The following MYLK2 variants were observed in gnomAD, a reference collection of about 807,000 sequenced individuals.
The protein encoded by MYLK2 is myosin light chain kinase 2.
In MYLK2, 27 loss-of-function variants were observed where a neutral mutation model predicts 58.2. The observed-to-expected ratio is 0.46, with a 90% CI of 0.34 to 0.64. The LOEUF (loss-of-function observed/expected upper bound fraction) is 0.64. MYLK2 is among the 30% of genes least tolerant of loss of function. The probability of loss-of-function intolerance (pLI) is 0.01; values close to 1 mark genes in which losing one functional copy is unlikely to be tolerated. For synonymous variants in MYLK2, 310 were observed against 296.7 expected (o/e 1.04, Z -0.46); for missense variants, 676 against 764.3 (o/e 0.88, Z 1.36).
intron 8 of MYLK2, chr20:31,827,528 C>T (rs1672764281): frequency 1.0e-6 from 1 of 984,688 alleles, no homozygotes; most frequent in African/African-American, 1.8e-5. Flanking sequence ...TATCCTTCTT[C>T]TTTTTTTTGA....
chr20:31,833,589 T>G, intron 12 of MYLK2, 128 bp from the exon 13 acceptor site: 1 of 839,598 alleles, frequency 1.2e-6, no homozygotes, highest in Non-Finnish European at 2.0e-6. Flanking sequence ...CCGTGGCCAT[T>G]TTGGGCACTG....
chr20:31,819,627 C>A lies in MYLK2; in HGVS notation c.47C>A (p.Ser16Ter), dbSNP rs1465763203. The change falls in exon 2 of 13, where the codon TCA becomes TAA. Residue 16 changes from serine (S) to a stop codon, truncating the protein, a stop_gained. Transcript: ENST00000375985. LOFTEE classifies it high-confidence loss of function. ...GAVELGIQNP[S>*]TDKAPKGPTG... is the part of the protein sequence containing the mutation. Reference sequence around the variant, plus strand: ...GTTGAGCTGGGAATTCAGAACCCATCAACAGGTGCCAAGCTGGGGCAGGAG... The same window carrying A: ...GTTGAGCTGGGAATTCAGAACCCATAAACAGGTGCCAAGCTGGGGCAGGAG... 1 of 1,551,584 alleles carries A rather than the reference C, an allele frequency of 6.4e-7. No homozygotes were observed. The highest frequency in any genetic ancestry group is 1.2e-5 in the South Asian group (1 of 84,058).
Position 31,831,609 on chromosome 20 carries a change from G to A in MYLK2, c.1425-94G>A, listed in dbSNP as rs552880633. On this transcript the variant is annotated intron_variant, in intron 10 of 12. Transcript: ENST00000375985. The stretch of plus-strand genomic sequence containing the variant: ...GGGGGTCTTTTCAGCACACGGTGCT[G>A]CCTCCTAGGATCTGCCCCTGTTCCC... 14 of 1,433,826 alleles carry A rather than the reference G, an allele frequency of 9.8e-6. No individual in the cohort carries two copies. The East Asian group carries it at 3.0e-4, about 30-fold the overall frequency. The allele number at this position is 1,433,826 out of a possible 1,614,324, so 88.8% of individuals were successfully genotyped here. A position where few individuals can be genotyped will look rare whatever the true frequency, so the allele number is the denominator to read the frequency against.
At chr20:31,819,703 T>C in intron 2 of MYLK2, 71 bp downstream of exon 2, 1 of 1,517,508 alleles carries the variant, frequency 6.6e-7, no homozygotes, top group Non-Finnish European at 9.0e-7. Context: ...ACTGGGCAGG[T>C]TCCTCAGTGG....
chr20:31,820,798 C>T (rs2062249073), intron 3 of MYLK2, among the ~76,000 whole-genome samples: 1 of 152,226 alleles, frequency 6.6e-6, no homozygotes, highest in African/African-American at 2.4e-5. Flanking sequence ...AACATATCTT[C>T]TCTAGGCTTC....
intron 4 of MYLK2, among the ~76,000 whole-genome samples, chr20:31,822,302 C>A (rs908959220): frequency 1.3e-5 from 2 of 152,166 alleles, no homozygotes; most frequent in African/African-American, 4.8e-5. Flanking sequence ...ACTCCCTGGG[C>A]AATGGAATTT....
Position 31,828,671 on chromosome 20 carries a change from A to G in MYLK2, c.1224+1733A>G, listed in dbSNP as rs2062291564. 14 of 985,468 alleles carry G rather than the reference A, an allele frequency of 1.4e-5. No homozygotes were observed. In the South Asian group the frequency reaches 5.6e-4, roughly 40 times the overall value. The allele number at this position is 985,468 out of a possible 1,614,324, so 61.0% of individuals were successfully genotyped here. ...TGAAATTGAAGTCAGCACGGGTCTG[A>G]AGCAGGCAGGGAGATGCTGTTGCCG... On this transcript the variant is annotated intron_variant, in intron 8 of 12. Coordinates refer to ENST00000375985, the MANE Select transcript of MYLK2 (RefSeq NM_033118.4).
At chr20:31,820,819 A>G (rs1443860884) in intron 3 of MYLK2, among the ~76,000 whole-genome samples, 1 of 152,206 alleles carries the variant, frequency 6.6e-6, no homozygotes, top group African/African-American at 2.4e-5. Flanking sequence ...TGGGGTCCGA[A>G]GTTCCCCTTA....
At chr20:31,829,300 C>T (rs2062294230) in intron 8 of MYLK2, among the ~76,000 whole-genome samples, 1 of 152,134 alleles carries the variant, frequency 6.6e-6, no homozygotes, top group South Asian at 2.1e-4. Context: ...GTTGAGTGCA[C>T]CCCAGCCCAC....
Position 31,832,229 on chromosome 20 carries a change from G to A in MYLK2, c.1710+93G>A. On this transcript the variant is annotated intron_variant, in intron 12 of 12. Coordinates refer to ENST00000375985, the MANE Select transcript of MYLK2 (RefSeq NM_033118.4). ...GCCTCCACCGTCCCTGCCTTGGCAG[G>A]TTCTGTTGACCAGGCTGGGCCCTGT... 7 of 1,527,256 alleles carry A rather than the reference G, an allele frequency of 4.6e-6. No homozygotes were observed. In the South Asian group the frequency reaches 7.2e-5, roughly 16 times the overall value. 94.6% of individuals were successfully genotyped at this position (1,527,256 alleles called of 1,614,324 possible). A position where few individuals can be genotyped will look rare whatever the true frequency, so the allele number is the denominator to read the frequency against.
At chr20:31,824,497 G>A (rs2062269048) in intron 6 of MYLK2, 145 bp downstream of exon 6, 2 of 1,509,582 alleles carry the variant, frequency 1.3e-6, no homozygotes, top group Non-Finnish European at 1.8e-6. Flanking sequence ...CAGATAGAGA[G>A]ATGGATGGAC....
At chr20:31,822,616 G>A (rs2062256900) in intron 4 of MYLK2, among the ~76,000 whole-genome samples, 1 of 152,122 alleles carries the variant, frequency 6.6e-6, no homozygotes. Context: ...TGGGGGTGGG[G>A]TGAGATGGGG....
intron 8 of MYLK2, 192 bp downstream of exon 8, chr20:31,827,130 A>AG: frequency 1.0e-6 from 1 of 979,966 alleles, no homozygotes; most frequent in South Asian, 4.7e-5. Context: ...GCAAAGAGAG[A>AG]GAGGGGGGGA....
intron 12 of MYLK2, among the ~76,000 whole-genome samples, chr20:31,833,116 C>T (rs2062314823): frequency 6.6e-6 from 1 of 151,954 alleles, no homozygotes; most frequent in Non-Finnish European, 1.5e-5. Context: ...GCAATCCTCC[C>T]GCCTTGGCCT....
Position 31,819,530 on chromosome 20 carries a change from C to T in MYLK2, c.-48-3C>T. 1 of 1,550,040 alleles carries T rather than the reference C, an allele frequency of 6.5e-7. No individual in the cohort carries two copies. The highest frequency in any genetic ancestry group is 8.7e-7 in the Non-Finnish European group (1 of 1,145,844). On this transcript the variant is annotated splice_region_variant and splice_polypyrimidine_tract_variant and intron_variant, in intron 1 of 12. Transcript: ENST00000375985. ...CTGACACACTCCACTCTTGTTTCTG[C>T]AGCTAGAAAGACTTGAGTTAGACAA...
chr20:31,833,660 C>A, intron 12 of MYLK2, 57 bp from the exon 13 acceptor site: 2 of 1,492,462 alleles, frequency 1.3e-6, no homozygotes, highest in South Asian at 1.1e-5. Flanking sequence ...CTCAGACACC[C>A]TGCAGCTGCC....
At chr20:31,826,053 G>A (rs961742691) in intron 6 of MYLK2, among the ~76,000 whole-genome samples, 5 of 152,092 alleles carry the variant, frequency 3.3e-5, no homozygotes, top group Non-Finnish European at 5.9e-5. Flanking sequence ...AGGATGGCTC[G>A]TAACTTTTTG....
rs1353345078 is a variant in MYLK2, at chr20:31,834,435, T to A, written c.*638T>A. 6.5e-6 allele frequency: 1 copy of A among 153,304 alleles called. No homozygotes were observed. Among genetic ancestry groups the A allele is most frequent in the African/African-American group, 2.4e-5 (1 of 41,214 alleles). 9.5% of individuals were successfully genotyped at this position (153,304 alleles called of 1,614,324 possible). A position where few individuals can be genotyped will look rare whatever the true frequency, so the allele number is the denominator to read the frequency against. ...TGCGACCACCAACACACAGGAACTC[T>A]GTGTGAGAGAGAGGGCGCCCAGCCC... On this transcript the variant is annotated 3_prime_UTR_variant, in exon 13 of 13. Transcript: ENST00000375985.
intron 8 of MYLK2, among the ~76,000 whole-genome samples, chr20:31,829,816 C>T (rs1361635923): frequency 6.6e-6 from 1 of 152,202 alleles, no homozygotes; most frequent in Non-Finnish European, 1.5e-5. Context: ...CAGATTAGTC[C>T]TGTGTCCTTG....
Sources: allele counts gnomAD v4.1 joint callset (sites outside exome capture counted in the v4.1 genomes callset), GRCh38; gene constraint gnomAD v4.1.1; transcripts MANE v1.5; gene names NCBI Gene and HGNC (gene_info 2026-07-23, HGNC 2026-07-21).